Variants in ABHD17B observed in about 807,000 individuals in gnomAD.
ABHD17B encodes alpha/beta hydrolase domain-containing protein 17B.
ABHD17B carries 9 observed loss-of-function variants against 26.2 expected under a neutral mutation model. That is an observed-to-expected ratio of 0.34 (90% CI 0.21 to 0.60). ABHD17B has a LOEUF of 0.60. ABHD17B is among the 20% of genes least tolerant of loss of function. The pLI is 0.80. For synonymous variants in ABHD17B, 127 were observed against 122.3 expected (o/e 1.04, Z -0.25); for missense variants, 224 against 352.1 (o/e 0.64, Z 2.91).
At chr9:71,898,410 T>G (rs926120545) in intron 1 of ABHD17B, among the ~76,000 whole-genome samples, 1 of 148,764 alleles carries the variant, frequency 6.7e-6, no homozygotes, top group Admixed American at 6.8e-5. Flanking sequence ...GGTGGGCAGA[T>G]CACCTGAGGT....
chr9:71,878,213 T>A (rs1286061977), intron 1 of ABHD17B, among the ~76,000 whole-genome samples: 1 of 151,986 alleles, frequency 6.6e-6, no homozygotes, highest in East Asian at 1.9e-4. Context: ...ATAAAACTCA[T>A]GCCAGACGCA....
At chr9:71,887,686 C>A (rs954268339) in intron 1 of ABHD17B, among the ~76,000 whole-genome samples, 1 of 152,170 alleles carries the variant, frequency 6.6e-6, no homozygotes, top group African/African-American at 2.4e-5. Context: ...CCAGAACAAA[C>A]AGTTCCATGC....
At chr9:71,862,659 A>C (rs891868526), downstream of ABHD17B, 3 of 830,996 alleles carry the variant, frequency 3.6e-6, no homozygotes, top group African/African-American at 5.2e-5. Context: ...TCATAATCTG[A>C]GTTTATGTGG....
chr9:71,868,830 A>T (rs1331515931), intron 3 of ABHD17B, among the ~76,000 whole-genome samples: 1 of 152,152 alleles, frequency 6.6e-6, no homozygotes, highest in Admixed American at 6.5e-5. Flanking sequence ...CTGGGATTAC[A>T]GGCACGCATC....
At chr9:71,902,855 C>G (rs1376014728) in intron 1 of ABHD17B, among the ~76,000 whole-genome samples, 2 of 152,026 alleles carry the variant, frequency 1.3e-5, no homozygotes, top group Non-Finnish European at 2.9e-5. Context: ...TTTTAATTTT[C>G]AAAACAAACT....
rs187308241 is a variant in ABHD17B, at chr9:71,898,112, G to T, written c.-4+12522C>A. Among the ~76,000 whole-genome samples the T allele has an allele frequency of 3.7e-3, 561 of 152,172 alleles. 3 individuals carry two copies. Among genetic ancestry groups the T allele is most frequent in the Middle Eastern group, 0.014 (4 of 294 alleles). ...AGATTGGGAATTAATGTTCTGTAGG[G>T]TCTTTTCATCCAATAAAAAATTAAG... On this transcript the variant is annotated intron_variant, in intron 1 of 3. Coordinates refer to ENST00000333421, the MANE Select transcript of ABHD17B (RefSeq NM_001025780.3).
At chr9:71,887,754 C>T (rs1044329823) in intron 1 of ABHD17B, among the ~76,000 whole-genome samples, 1 of 152,170 alleles carries the variant, frequency 6.6e-6, no homozygotes, top group Non-Finnish European at 1.5e-5. Context: ...GCTTTTCCAT[C>T]AAAGTACATA....
intron 1 of ABHD17B, among the ~76,000 whole-genome samples, chr9:71,892,402 G>T (rs191103084): frequency 6.6e-6 from 1 of 151,608 alleles, no homozygotes; most frequent in Non-Finnish European, 1.5e-5. Context: ...GCGTGGTGGC[G>T]GGCGCCTGTA....
intron 1 of ABHD17B, among the ~76,000 whole-genome samples, chr9:71,883,868 C>T (rs1482079844): frequency 6.6e-6 from 1 of 151,506 alleles, no homozygotes; most frequent in African/African-American, 2.4e-5. Flanking sequence ...GCCTGGGAGG[C>T]AGAGGTTGCA....
intron 1 of ABHD17B, among the ~76,000 whole-genome samples, chr9:71,907,119 T>C (rs1827307939): frequency 6.6e-6 from 1 of 152,178 alleles, no homozygotes; most frequent in Admixed American, 6.5e-5. Context: ...ACCTAACATA[T>C]ACAGGAATAT....
intron 1 of ABHD17B, among the ~76,000 whole-genome samples, chr9:71,875,423 C>A (rs1826242945): frequency 1.3e-5 from 2 of 152,078 alleles, no homozygotes; most frequent in African/African-American, 4.8e-5. Context: ...TGGGGTTTCT[C>A]CATGTTGATC....
intron 1 of ABHD17B, among the ~76,000 whole-genome samples, chr9:71,889,118 C>G (rs1826700762): frequency 6.6e-6 from 1 of 151,294 alleles, no homozygotes; most frequent in South Asian, 2.1e-4. Flanking sequence ...AGTTCGAGAC[C>G]AGCCCGGCCA....
intron 1 of ABHD17B, among the ~76,000 whole-genome samples, chr9:71,891,421 T>A (rs186352663): frequency 1.1e-3 from 167 of 152,348 alleles, no homozygotes; most frequent in African/African-American, 3.4e-3. Flanking sequence ...CTCTGTTCCA[T>A]GTGGAATTCC....
intron 1 of ABHD17B, among the ~76,000 whole-genome samples, chr9:71,908,392 C>CAAAAAA (rs371201006): frequency 2.5e-5 from 1 of 39,802 alleles, no homozygotes; most frequent in Non-Finnish European, 5.4e-5. Context: ...AACTCCGTCT[C>CAAAAAA]AAAAAAAAAA....
At chr9:71,906,574 T>C (rs965734146) in intron 1 of ABHD17B, among the ~76,000 whole-genome samples, 5 of 152,150 alleles carry the variant, frequency 3.3e-5, no homozygotes, top group Admixed American at 6.5e-5. Flanking sequence ...TCCCAGTGCT[T>C]TGGGATACTG....
In ABHD17B at chr9:71,866,491, T is replaced by C; in HGVS notation, c.*296A>G. The C allele has an allele frequency of 1.8e-6, 2 of 1,085,972 alleles. No homozygotes were observed. The highest frequency in any genetic ancestry group is 2.2e-6 in the Non-Finnish European group (2 of 892,372). The allele number at this position is 1,085,972 out of a possible 1,614,324, so 67.3% of individuals were successfully genotyped here. ...TCTAGTATGCAAAAGCATTTGGCAA[T>C]ACTTTTACAGCATTTGATTTTATAG... On this transcript the variant is annotated 3_prime_UTR_variant, in exon 4 of 4. Transcript: ENST00000333421.
At chr9:71,896,294 C>G (rs928277399) in intron 1 of ABHD17B, among the ~76,000 whole-genome samples, 72 of 152,148 alleles carry the variant, frequency 4.7e-4, no homozygotes, top group African/African-American at 1.6e-3. Flanking sequence ...CTCCTGACTT[C>G]AATTTCTTTT....
intron 1 of ABHD17B, among the ~76,000 whole-genome samples, chr9:71,909,486 T>C (rs1827379833): frequency 6.6e-6 from 1 of 152,236 alleles, no homozygotes; most frequent in African/African-American, 2.4e-5. Context: ...TAAACATATG[T>C]AGAGAAACTC....
At chr9:71,909,032 T>G (rs561534184) in intron 1 of ABHD17B, among the ~76,000 whole-genome samples, 2 of 152,218 alleles carry the variant, frequency 1.3e-5, no homozygotes, top group African/African-American at 2.4e-5. Context: ...TGATGTTTTT[T>G]GGTGATTTTG....
Sources: gnomAD v4.1 joint callset for allele counts (sites outside exome capture counted in the v4.1 genomes callset) on GRCh38, gnomAD v4.1.1 for gene constraint, MANE v1.5 for transcripts, NCBI Gene and HGNC (gene_info 2026-07-23, HGNC 2026-07-21) for gene names.